The following GOSR2 variants were observed in gnomAD, a reference collection of about 807,000 sequenced individuals.
The protein encoded by GOSR2 is golgi SNAP receptor complex member 2.
A neutral mutation model predicts 27.9 loss-of-function variants in GOSR2; 20 were observed. That is an observed-to-expected ratio of 0.72 (90% CI 0.50 to 1.04). The LOEUF is 1.04. Ranked by LOEUF, GOSR2 falls within the 50% of genes least tolerant of loss-of-function variation. GOSR2 has a pLI of 0.00. For missense variants in GOSR2, 261 were observed against 270.5 expected, an observed-to-expected ratio of 0.97 and a Z score of 0.25; for synonymous variants, 91 against 98.8, an observed-to-expected ratio of 0.92 and a Z score of 0.47.
chr17:46,941,450 C>G lies in GOSR2; in HGVS notation c.*2690C>G. ...TTTCTAGGCCAGAGATTCTCAAACA[C>G]TGCTCCATGGCCAGGGGCTGGGCTG... is the stretch of plus-strand genomic sequence containing the variant. On this transcript the variant is annotated 3_prime_UTR_variant, in exon 6 of 6. Transcript: ENST00000640051. 1 of 983,678 alleles carries G rather than the reference C, an allele frequency of 1.0e-6. No homozygotes were observed. The highest frequency in any genetic ancestry group is 1.2e-6 in the Non-Finnish European group (1 of 828,324). The allele number at this position is 983,678 out of a possible 1,614,324, so 60.9% of individuals were successfully genotyped here. A position where few individuals can be genotyped will look rare whatever the true frequency, so the allele number is the denominator to read the frequency against.
At chr17:46,933,218 A>G (rs907185675) in intron 4 of GOSR2, 1 of 152,264 alleles carries the variant, frequency 6.6e-6, no homozygotes, top group Non-Finnish European at 1.5e-5. Context: ...GCCTGGCGTG[A>G]TGCTGTGCAC....
In GOSR2 at chr17:46,938,962, T is replaced by C; in HGVS notation, c.*202T>C. 6.9e-7 allele frequency: 1 copy of C among 1,456,460 alleles called. No homozygotes were observed. Among genetic ancestry groups the C allele is most frequent in the Non-Finnish European group, 9.1e-7 (1 of 1,100,214 alleles). The allele number at this position is 1,456,460 out of a possible 1,614,324, so 90.2% of individuals were successfully genotyped here. The stretch of plus-strand genomic sequence containing the variant: ...GGAGGGGGAGCTAGTGCCACCACCA[T>C]GCGCGGTGCTTAGGAAATGAAAGAA... On this transcript the variant is annotated 3_prime_UTR_variant, in exon 6 of 6. Transcript: ENST00000640051.
chr17:46,958,652 C>A (rs184568846), intron 6 of GOSR2, among the ~76,000 whole-genome samples: 38 of 152,330 alleles, frequency 2.5e-4, no homozygotes, highest in African/African-American at 8.2e-4. Flanking sequence ...CAGGGCATCG[C>A]CCTCCCACCA....
At chr17:46,937,883 T>G (rs1260290406) in intron 5 of GOSR2, 1 of 153,080 alleles carries the variant, frequency 6.5e-6, no homozygotes, top group Non-Finnish European at 1.5e-5. Context: ...TTATGTATTT[T>G]TTGAGACAGG....
chr17:46,946,663 G>C (rs1159380951), downstream of GOSR2, among the ~76,000 whole-genome samples: 3 of 152,134 alleles, frequency 2.0e-5, no homozygotes, highest in Non-Finnish European at 4.4e-5. Context: ...AGGAGTTCGA[G>C]ACCAGCCTGG....
chr17:46,940,281 C>A lies in GOSR2; in HGVS notation c.*1521C>A. 1.4e-6 allele frequency: 2 copies of A among 1,433,994 alleles called. No individual in the cohort carries two copies. Among genetic ancestry groups the A allele is most frequent in the Non-Finnish European group, 1.8e-6 (2 of 1,098,804 alleles). The allele number at this position is 1,433,994 out of a possible 1,614,324, so 88.8% of individuals were successfully genotyped here. ...TTGGAGGAGATCTCCATTGTTCCTA[C>A]CCCTCCGGGCCAAATGGGCCCCAGG... On this transcript the variant is annotated 3_prime_UTR_variant, in exon 6 of 6. Transcript: ENST00000640051.
At chr17:46,942,519 G>C (rs376246079), downstream of GOSR2, among the ~76,000 whole-genome samples, 15 of 152,218 alleles carry the variant, frequency 9.9e-5, no homozygotes, top group African/African-American at 3.6e-4. Flanking sequence ...GCTCTGCTGG[G>C]GTCTGGGGGG....
chr17:46,967,977 G>A (rs1031751666), downstream of GOSR2, among the ~76,000 whole-genome samples: 1 of 152,150 alleles, frequency 6.6e-6, no homozygotes, highest in African/African-American at 2.4e-5. Context: ...GTCAGACAGG[G>A]TTTCCTGCTA....
chr17:46,957,792 A>G (rs1409966073), intron 6 of GOSR2, among the ~76,000 whole-genome samples: 1 of 152,214 alleles, frequency 6.6e-6, no homozygotes, highest in East Asian at 1.9e-4. Context: ...GAAATGGGCC[A>G]GATATCGGAC....
chr17:46,951,104 C>T (rs911206474), intron 6 of GOSR2, among the ~76,000 whole-genome samples: 1 of 152,322 alleles, frequency 6.6e-6, no homozygotes, highest in Middle Eastern at 3.4e-3. Context: ...CCAAAGGCTT[C>T]TCCAGCTTGA....
intron 6 of GOSR2, among the ~76,000 whole-genome samples, chr17:46,951,681 A>G (rs1240962130): frequency 6.6e-6 from 1 of 152,164 alleles, no homozygotes; most frequent in Non-Finnish European, 1.5e-5. Flanking sequence ...CTCCCAGGCC[A>G]GGGTAATGCT....
rs572644030 is a variant in GOSR2 at position 46,951,358 on chromosome 17, A to C, written c.583+12654A>C. On this transcript the variant is annotated intron_variant, in intron 6 of 6. Coordinates refer to the GOSR2 transcript ENST00000573224. ...AGAGCCCATTTCCATGACAACAGCA[A>C]GCTCCTTACCCATCAATTTCATCCT... Among the ~76,000 whole-genome samples, 3 of 152,190 alleles carry C rather than the reference A, an allele frequency of 2.0e-5. No homozygotes were observed. In the East Asian group the frequency reaches 5.8e-4, roughly 29 times the overall value.
intron 6 of GOSR2, among the ~76,000 whole-genome samples, chr17:46,973,813 G>A (rs573131396): frequency 2.1e-5 from 3 of 145,476 alleles, no homozygotes; most frequent in East Asian, 2.1e-4. Flanking sequence ...GTGTGCATGC[G>A]TGCGACACAT....
At chr17:46,969,857 G>A (rs374490626), downstream of GOSR2, among the ~76,000 whole-genome samples, 35 of 152,062 alleles carry the variant, frequency 2.3e-4, no homozygotes, top group Admixed American at 3.9e-4. Context: ...GTTACCTTTC[G>A]CGATCCCCTT....
intron 4 of GOSR2, 88 bp from the exon 5 acceptor site, chr17:46,934,941 G>A: frequency 8.5e-7 from 1 of 1,181,548 alleles, no homozygotes; most frequent in Non-Finnish European, 1.3e-6. Flanking sequence ...GGCTGTTCTG[G>A]CTTGGCCTTG....
chr17:46,973,550 A>G (rs2091414603), intron 6 of GOSR2, among the ~76,000 whole-genome samples: 1 of 152,064 alleles, frequency 6.6e-6, no homozygotes. Flanking sequence ...TGCACTTATC[A>G]TGGGATCTCA....
downstream of GOSR2, among the ~76,000 whole-genome samples, chr17:46,943,804 G>A (rs1305190330): frequency 6.6e-6 from 1 of 152,250 alleles, no homozygotes; most frequent in Non-Finnish European, 1.5e-5. Context: ...GAGGCATGGG[G>A]CCCCGTGAGG....
chr17:46,950,315 G>A (rs2090238747), intron 6 of GOSR2, among the ~76,000 whole-genome samples: 1 of 152,186 alleles, frequency 6.6e-6, no homozygotes, highest in African/African-American at 2.4e-5. Context: ...GTGAGGAGGA[G>A]GCGGCTGGCT....
chr17:46,975,505 A>G (rs2091439113), exon 7 of GOSR2: 1 of 152,550 alleles, frequency 6.6e-6, no homozygotes, highest in African/African-American at 2.4e-5. Flanking sequence ...CCCCTGCCCC[A>G]AGGATTATAT....
Sources: gnomAD v4.1 joint callset for allele counts (sites outside exome capture counted in the v4.1 genomes callset) on GRCh38, gnomAD v4.1.1 for gene constraint, MANE v1.5 for transcripts, NCBI Gene and HGNC (gene_info 2026-07-23, HGNC 2026-07-21) for gene names.